The following C2orf69 variants were observed in gnomAD, a reference collection of about 807,000 sequenced individuals.
C2orf69 encodes chromosome 2 open reading frame 69, also known as mitochondrial protein C2orf69.
Under a neutral mutation model 29.5 loss-of-function variants are expected in C2orf69, and 19 were observed. That is an observed-to-expected ratio of 0.65 (90% CI 0.45 to 0.95). C2orf69 has a LOEUF of 0.95. Ranked by LOEUF, C2orf69 falls within the 40% of genes least tolerant of loss-of-function variation. C2orf69 has a pLI of 0.00. For synonymous variants in C2orf69, 194 were observed against 180.0 expected (o/e 1.08, Z -0.62); for missense variants, 416 against 482.1 (o/e 0.86, Z 1.28).
In C2orf69 at chr2:199,915,208, C is replaced by T. The variant is rs146029104; in HGVS notation, c.333+3437C>T. Among the ~76,000 whole-genome samples, 17 of 152,282 alleles carry T rather than the reference C, an allele frequency of 1.1e-4. No individual in the cohort carries two copies. In the East Asian group the frequency reaches 1.9e-3, roughly 17 times the overall value. On this transcript the variant is annotated intron_variant, in intron 1 of 1. Transcript: ENST00000319974. ...CTAATATCTATCCTTATGAACTTTTCGCTGCTGAGTACAGCCCATCTTTTT... is the reference window on the plus strand; with the variant it reads ...CTAATATCTATCCTTATGAACTTTTTGCTGCTGAGTACAGCCCATCTTTTT...
chr2:199,921,219 A>G (rs1307067665), intron 1 of C2orf69, among the ~76,000 whole-genome samples: 1 of 151,544 alleles, frequency 6.6e-6, no homozygotes, highest in Non-Finnish European at 1.5e-5. Flanking sequence ...GTTGGCCAGG[A>G]TGGTCTCCCA....
At chr2:199,917,048 A>C (rs370989963) in intron 1 of C2orf69, among the ~76,000 whole-genome samples, 2 of 152,164 alleles carry the variant, frequency 1.3e-5, no homozygotes, top group Admixed American at 1.3e-4. Flanking sequence ...CCCAACCTCA[A>C]TTCCTTACTT....
Position 199,926,784 on chromosome 2 carries a change from A to G in C2orf69, c.*898A>G, listed in dbSNP as rs2077336801. ...CAGTTGTTTTGGAAAATTGCTTTAA[A>G]TTGAGCATATTTATGTATATTGGAT... On this transcript the variant is annotated 3_prime_UTR_variant, in exon 2 of 2. Coordinates refer to ENST00000319974, the MANE Select transcript of C2orf69 (RefSeq NM_153689.6). 6.6e-6 allele frequency: 1 copy of G among 152,638 alleles called. No homozygotes were observed. The highest frequency in any genetic ancestry group is 2.1e-4 in the South Asian group (1 of 4,832). 9.5% of individuals were successfully genotyped at this position (152,638 alleles called of 1,614,324 possible). A position where few individuals can be genotyped will look rare whatever the true frequency, so the allele number is the denominator to read the frequency against.
Position 199,911,621 on chromosome 2 carries a change from T to G in C2orf69, c.183T>G (p.Pro61=). ...RRQCLQLSTV[P]GADPQRSNEL... ...AGTGCCTGCAGCTTTCCACCGTGCC[T>G]GGAGCCGATCCGCAGCGCAGCAACG... The change falls in exon 1 of 2, where the codon CCT becomes CCG. Residue 61 remains proline (P), a synonymous_variant. Transcript: ENST00000319974. 2 of 1,549,586 alleles carry G rather than the reference T, an allele frequency of 1.3e-6. No homozygotes were observed. The highest frequency in any genetic ancestry group is 1.7e-6 in the Non-Finnish European group (2 of 1,146,604).
In C2orf69 at chr2:199,925,206, T is replaced by C. The variant is rs1188824161; in HGVS notation, c.478T>C (p.Phe160Leu). Residue 160 changes from phenylalanine (F) to leucine (L), a missense_variant, in exon 2 of 2, where the codon TTC becomes CTC. This residue lies in a region of C2orf69 where 225 missense variants were observed against 307.3 expected (regional missense o/e 0.73). Coordinates refer to ENST00000319974, the MANE Select transcript of C2orf69 (RefSeq NM_153689.6). This position sits in a 1 kb window ranked among gnomAD's most constrained non-coding sequence, Gnocchi z 4.9. The stretch of plus-strand genomic sequence containing the variant: ...ATGTTCCCGAATGCATTTGCACAAA[T>C]TCAGCTGCTATGACAATTTTGTGAA... ...IKCSRMHLHK[F>L]SCYDNFVKSN... 3.1e-6 allele frequency: 5 copies of C among 1,612,536 alleles called. No individual in the cohort carries two copies. Among genetic ancestry groups the C allele is most frequent in the Non-Finnish European group, 4.2e-6 (5 of 1,179,834 alleles).
At position 199,926,117 on chromosome 2, in the gene C2orf69, G is replaced by A; in HGVS notation, c.*231G>A. On this transcript the variant is annotated 3_prime_UTR_variant, in exon 2 of 2. Transcript: ENST00000319974. ...AATTAGTTAATTTGAAATCTAACAA[G>A]GTGGTTTGTAATAATGCTGAGGAGA... 2.1e-6 allele frequency: 1 copy of A among 467,812 alleles called. No homozygotes were observed. Among genetic ancestry groups the A allele is most frequent in the Non-Finnish European group, 3.8e-6 (1 of 261,312 alleles). The allele number at this position is 467,812 out of a possible 1,614,324, so 29.0% of individuals were successfully genotyped here. A position where few individuals can be genotyped will look rare whatever the true frequency, so the allele number is the denominator to read the frequency against.
chr2:199,914,601 ATATCC>A (rs1325685010), intron 1 of C2orf69, among the ~76,000 whole-genome samples: 1 of 152,050 alleles, frequency 6.6e-6, no homozygotes, highest in Non-Finnish European at 1.5e-5. Context: ...CTTCCTGTTA[ATATCC>A]TGTCCTGCAA....
At chr2:199,923,289 A>G (rs1268708346) in intron 1 of C2orf69, among the ~76,000 whole-genome samples, 2 of 152,314 alleles carry the variant, frequency 1.3e-5, no homozygotes, top group South Asian at 2.1e-4. Context: ...TTTCCAAGCT[A>G]TAAGTCTAAT....
chr2:199,917,200 A>C (rs188382861), intron 1 of C2orf69, among the ~76,000 whole-genome samples: 2 of 152,318 alleles, frequency 1.3e-5, no homozygotes, highest in Admixed American at 6.5e-5. Context: ...TGCACAAAGC[A>C]GCGAGGGCCT....
intron 1 of C2orf69, among the ~76,000 whole-genome samples, chr2:199,918,834 TG>T (rs2077303054): frequency 1.3e-5 from 2 of 152,248 alleles, no homozygotes; most frequent in Non-Finnish European, 2.9e-5. Flanking sequence ...CTATGGTTTT[TG>T]CTTTTTCTAG....
chr2:199,914,179 C>A (rs1454652615), intron 1 of C2orf69, among the ~76,000 whole-genome samples: 1 of 152,142 alleles, frequency 6.6e-6, no homozygotes, highest in Non-Finnish European at 1.5e-5. Flanking sequence ...TGTGTTCACT[C>A]CCTTCAGTCT....
rs1000543718 is a variant in C2orf69, at chr2:199,927,914, T to C, written c.*2028T>C. On this transcript the variant is annotated 3_prime_UTR_variant, in exon 2 of 2. Coordinates refer to ENST00000319974, the MANE Select transcript of C2orf69 (RefSeq NM_153689.6). ...TTAAAAAATCAGACATATTTAAAAA[T>C]CTAGGTTGTCTATCCAGTATGTGAA... The C allele has an allele frequency of 4.6e-5, 7 of 152,158 alleles. No homozygotes were observed. Among genetic ancestry groups the C allele is most frequent in the Admixed American group, 1.3e-4 (2 of 15,276 alleles). The allele number at this position is 152,158 out of a possible 1,614,324, so 9.4% of individuals were successfully genotyped here.
rs767030169 is a variant in C2orf69 at position 199,911,527 on chromosome 2, C to A, written c.89C>A (p.Ala30Asp). The A allele has an allele frequency of 6.5e-7, 1 of 1,549,782 alleles. No homozygotes were observed. The highest frequency in any genetic ancestry group is 2.0e-5 in the Admixed American group (1 of 50,996). Reference protein sequence around the residue: ...GIGNASSCSQARTMNPGGSGG... With the variant: ...GIGNASSCSQDRTMNPGGSGG... ...GGAAACGCCTCGTCCTGCTCTCAGG[C>A]CAGAACCATGAACCCGGGCGGCAGC... is the stretch of plus-strand genomic sequence containing the variant. The change falls in exon 1 of 2, where the codon GCC becomes GAC. Residue 30 changes from alanine to aspartate, a missense_variant. By Grantham distance (126) the Ala-to-Asp change is moderately radical. Around this residue, in one of 4 missense-constraint regions of C2orf69, gnomAD observed 175 missense variants for 139.9 expected, o/e 1.25. Coordinates refer to ENST00000319974, the MANE Select transcript of C2orf69 (RefSeq NM_153689.6).
chr2:199,911,410 C>A lies in C2orf69; in HGVS notation c.-29C>A, dbSNP rs1034698725. The A allele has an allele frequency of 4.7e-6, 7 of 1,491,710 alleles. No homozygotes were observed. Among genetic ancestry groups the A allele is most frequent in the Middle Eastern group, 2.1e-4 (1 of 4,754 alleles). The allele number at this position is 1,491,710 out of a possible 1,614,324, so 92.4% of individuals were successfully genotyped here. A position where few individuals can be genotyped will look rare whatever the true frequency, so the allele number is the denominator to read the frequency against. On this transcript the variant is annotated 5_prime_UTR_variant, in exon 1 of 2. Coordinates refer to ENST00000319974, the MANE Select transcript of C2orf69 (RefSeq NM_153689.6). ...TCAGGAACCCCTCCGCCACCCTCCA[C>A]CTCCGAACCGCTCTCGCGGCGGCGA...
At chr2:199,913,109 A>G (rs1195864218) in intron 1 of C2orf69, among the ~76,000 whole-genome samples, 1 of 40,234 alleles carries the variant, frequency 2.5e-5, no homozygotes, top group Non-Finnish European at 4.5e-5. Context: ...TTTTATTAGC[A>G]GTCAACTAAA....
chr2:199,926,388 C>G lies in C2orf69; in HGVS notation c.*502C>G, dbSNP rs1331144416. On this transcript the variant is annotated 3_prime_UTR_variant, in exon 2 of 2. Coordinates refer to ENST00000319974, the MANE Select transcript of C2orf69 (RefSeq NM_153689.6). ...TTTTGTGTTTTTGTAAACTCCTTGA[C>G]TCATTCTTTCATGTGTCACCAAGTA... 6.4e-6 allele frequency: 1 copy of G among 155,740 alleles called. No homozygotes were observed. The highest frequency in any genetic ancestry group is 1.4e-5 in the Non-Finnish European group (1 of 70,254). The allele number at this position is 155,740 out of a possible 1,614,324, so 9.6% of individuals were successfully genotyped here.
chr2:199,916,952 T>C (rs973605385), intron 1 of C2orf69, among the ~76,000 whole-genome samples: 23 of 152,090 alleles, frequency 1.5e-4, no homozygotes, highest in African/African-American at 5.1e-4. Context: ...GAGCCCCACA[T>C]TTCTTTTCCA....
Position 199,925,406 on chromosome 2 carries a change from T to A in C2orf69, c.678T>A (p.Thr226=). The A allele has an allele frequency of 6.2e-7, 1 of 1,613,854 alleles. No individual in the cohort carries two copies. The highest frequency in any genetic ancestry group is 8.5e-7 in the Non-Finnish European group (1 of 1,179,826). The part of the protein sequence containing the change: ...ASNCRSSPSH[T]TNGCQGEKVR... ...ACTGTAGATCCAGTCCTTCTCATAC[T>A]ACGAATGGTTGCCAGGGAGAAAAAG... The change falls in exon 2 of 2, where the codon ACT becomes ACA. Residue 226 remains threonine, a synonymous_variant. Transcript: ENST00000319974. The surrounding 1 kb of genome is among the most constrained non-coding windows in gnomAD (Gnocchi z 4.9).
chr2:199,922,043 A>ATATATAT (rs940998844), intron 1 of C2orf69, among the ~76,000 whole-genome samples: 2 of 136,190 alleles, frequency 1.5e-5, no homozygotes, highest in African/African-American at 5.5e-5. Context: ...ATATATATAT[A>ATATATAT]TATATATATA....
Sources: gnomAD v4.1 joint callset for allele counts (sites outside exome capture counted in the v4.1 genomes callset) on GRCh38, gnomAD v4.1.1 for gene constraint, gnomAD v4.1.1 regional missense constraint, Gnocchi (gnomAD v3.1) non-coding constraint, MANE v1.5 for transcripts, NCBI Gene and HGNC (gene_info 2026-07-23, HGNC 2026-07-21) for gene names.